FLVCR1: variants seen among roughly 807,000 people sequenced by gnomAD.
FLVCR1 encodes the protein FLVCR choline and heme transporter 1, also known as choline/ethanolamine transporter FLVCR1.
FLVCR1 carries 34 observed loss-of-function variants against 53.6 expected under a neutral mutation model. That is an observed-to-expected ratio of 0.63 (90% confidence interval 0.48 to 0.84). The LOEUF is 0.84. Among genes scored for constraint, FLVCR1 ranks in the 40% least tolerant of loss-of-function variants. The probability of loss-of-function intolerance (pLI) is 0.00; values close to 1 mark genes in which losing one functional copy is unlikely to be tolerated. For missense variants in FLVCR1, 677 were observed against 696.7 expected (o/e 0.97, Z 0.32); for synonymous variants, 300 against 286.3 (o/e 1.05, Z -0.48).
chr1:212,890,656 C>A (rs1665168803), intron 8 of FLVCR1, among the ~76,000 whole-genome samples: 1 of 152,130 alleles, frequency 6.6e-6, no homozygotes. Flanking sequence ...TGGAATCAAT[C>A]CCCCGCAGAT....
At chr1:212,886,496 T>C (rs768385658) in intron 5 of FLVCR1, among the ~76,000 whole-genome samples, 1 of 152,216 alleles carries the variant, frequency 6.6e-6, no homozygotes, top group Non-Finnish European at 1.5e-5. Context: ...AACTGTAATA[T>C]AATGCATAAT....
At chr1:212,866,527 A>G (rs1205111230) in intron 2 of FLVCR1, among the ~76,000 whole-genome samples, 8 of 151,778 alleles carry the variant, frequency 5.3e-5, no homozygotes, top group Admixed American at 1.3e-4. Context: ...AAGAAGTGAG[A>G]AAGTAAGAGA....
At position 212,897,084 on chromosome 1, in the gene FLVCR1, G is replaced by C. The variant is rs1572032974; in HGVS notation, c.*1794G>C. ...CTCAGGAGGCTGAGGCAGGAGAATC[G>C]CTTGAATGCGAATGGCAGAGGTTGC... On this transcript the variant is annotated 3_prime_UTR_variant, in exon 10 of 10. Coordinates refer to ENST00000366971, the MANE Select transcript of FLVCR1 (RefSeq NM_014053.4). 1 of 151,258 alleles carries C rather than the reference G, an allele frequency of 6.6e-6. No individual in the cohort carries two copies. Among genetic ancestry groups the C allele is most frequent in the Non-Finnish European group, 1.5e-5 (1 of 67,886 alleles). 9.4% of individuals were successfully genotyped at this position (151,258 alleles called of 1,614,324 possible).
chr1:212,875,384 GA>G (rs1385163974), intron 3 of FLVCR1, among the ~76,000 whole-genome samples: 2 of 152,222 alleles, frequency 1.3e-5, no homozygotes, highest in African/African-American at 4.8e-5. Flanking sequence ...GGATGGCCGG[GA>G]GAGTCTCACA....
intron 3 of FLVCR1, among the ~76,000 whole-genome samples, chr1:212,873,310 C>CA (rs66596141): frequency 0.42 from 59,818 of 142,506 alleles, 13,169 homozygotes; most frequent in East Asian, 0.53. Context: ...GAGACTATCT[C>CA]AAAAAAAAAA....
At position 212,895,894 on chromosome 1, in the gene FLVCR1, A is replaced by T. The variant is rs1333955526; in HGVS notation, c.*604A>T. 6.5e-6 allele frequency: 1 copy of T among 154,524 alleles called. No individual in the cohort carries two copies. The allele number at this position is 154,524 out of a possible 1,614,324, so 9.6% of individuals were successfully genotyped here. On this transcript the variant is annotated 3_prime_UTR_variant, in exon 10 of 10. Transcript: ENST00000366971. ...TCCCATTTATTGTACTCTTGTTACA[A>T]AGTACTTTTTAACACATGCAGTCAA...
Position 212,891,444 on chromosome 1 carries a change from C to CA in FLVCR1, c.1525+2198dup, listed in dbSNP as rs34175403. Reference sequence around the variant, plus strand: ...TGGGTGACAAAGTGAGACTCCGTCTCAAAAAAAAAAACAGTATTATTGTTA... The same window carrying CA: ...TGGGTGACAAAGTGAGACTCCGTCTCAAAAAAAAAAAACAGTATTATTGTTA... On this transcript the variant is annotated intron_variant, in intron 8 of 9. Transcript: ENST00000366971. 4.0e-3 allele frequency among the ~76,000 whole-genome samples: 582 copies of CA among 146,700 alleles called. 9 individuals carry two copies. Among genetic ancestry groups the CA allele is most frequent in the Middle Eastern group, 3.5e-3 (1 of 286 alleles).
In FLVCR1 at chr1:212,895,306, T is replaced by TA; in HGVS notation, c.*17dup. The TA allele has an allele frequency of 6.3e-7, 1 of 1,586,792 alleles. No individual in the cohort carries two copies. Among genetic ancestry groups the TA allele is most frequent in the Non-Finnish European group, 8.7e-7 (1 of 1,154,986 alleles). ...AGCAATTTGAAGAGAAAGGCAAAGT[T>TA]ACTGTCCTGTAGTAATTGGGGACAA... On this transcript the variant is annotated 3_prime_UTR_variant, in exon 10 of 10. Transcript: ENST00000366971.
intron 3 of FLVCR1, 117 bp from the exon 4 acceptor site, chr1:212,883,254 C>T: frequency 3.0e-6 from 2 of 677,578 alleles, no homozygotes; most frequent in Non-Finnish European, 5.3e-6. Flanking sequence ...AATGTATTTC[C>T]ACAATTGTCA....
chr1:212,874,526 C>CTTTTTTTTTTTTTT (rs61497441), intron 3 of FLVCR1, among the ~76,000 whole-genome samples: 1 of 120,880 alleles, frequency 8.3e-6, no homozygotes, highest in Non-Finnish European at 1.7e-5. Context: ...TTCTTTTTTT[C>CTTTTTTTTTTTTTT]TTTTTTTTTT....
At chr1:212,877,937 T>C (rs1210441224) in intron 3 of FLVCR1, among the ~76,000 whole-genome samples, 1 of 152,144 alleles carries the variant, frequency 6.6e-6, no homozygotes, top group Non-Finnish European at 1.5e-5. Flanking sequence ...AGAAAAGGTA[T>C]ACGAAACAGA....
chr1:212,858,705 G>A lies in FLVCR1; in HGVS notation c.253G>A (p.Gly85Ser), dbSNP rs2102526428. 6.3e-7 allele frequency: 1 copy of A among 1,595,006 alleles called. No individual in the cohort carries two copies. The highest frequency in any genetic ancestry group is 8.5e-7 in the Non-Finnish European group (1 of 1,172,710). The change falls in exon 1 of 10, where the codon GGC (glycine) becomes AGC (serine). Residue 85 changes from glycine to serine, a missense_variant. Physicochemically the swap from Gly to Ser is moderately conservative, Grantham distance 56 (BLOSUM62 0). Transcript: ENST00000366971. ...GACCCAGGCCCGGCTGCTGCCTGCG[G>A]GCGCGGGAGCTGAGACCCCGGGGGC... is the stretch of plus-strand genomic sequence containing the variant. Reference protein sequence around the residue: ...EETQARLLPAGAGAETPGAES... With the variant: ...EETQARLLPASAGAETPGAES...
chr1:212,878,650 A>G (rs1227521994), intron 3 of FLVCR1, among the ~76,000 whole-genome samples: 2 of 152,150 alleles, frequency 1.3e-5, no homozygotes, highest in Admixed American at 6.6e-5. Flanking sequence ...TTGCATTCCT[A>G]TGTATATATA....
intron 8 of FLVCR1, among the ~76,000 whole-genome samples, chr1:212,891,925 G>A (rs1665204076): frequency 6.6e-6 from 1 of 152,184 alleles, no homozygotes; most frequent in South Asian, 2.1e-4. Flanking sequence ...TATTGATATG[G>A]AGAAAGTTTG....
In FLVCR1 at chr1:212,895,294, G is replaced by A. The variant is rs1366076662; in HGVS notation, c.*4G>A. The A allele has an allele frequency of 1.9e-6, 3 of 1,608,926 alleles. No homozygotes were observed. Among genetic ancestry groups the A allele is most frequent in the Non-Finnish European group, 2.6e-6 (3 of 1,175,286 alleles). ...GCAGTCAGAATCAGCAATTTGAAGAGAAAGGCAAAGTTACTGTCCTGTAGT... is the reference window on the plus strand; with the variant it reads ...GCAGTCAGAATCAGCAATTTGAAGAAAAAGGCAAAGTTACTGTCCTGTAGT... On this transcript the variant is annotated 3_prime_UTR_variant, in exon 10 of 10. Transcript: ENST00000366971.
At chr1:212,860,645 G>A in intron 1 of FLVCR1, among the ~76,000 whole-genome samples, 1 of 151,760 alleles carries the variant, frequency 6.6e-6, no homozygotes, top group East Asian at 1.9e-4. Context: ...ATATGTTATT[G>A]TTTACATGTT....
At chr1:212,865,493 T>C (rs890222521) in intron 2 of FLVCR1, among the ~76,000 whole-genome samples, 1 of 147,154 alleles carries the variant, frequency 6.8e-6, no homozygotes, top group Non-Finnish European at 1.5e-5. Context: ...GGATTTTTTT[T>C]TTTTTTTGAG....
chr1:212,874,227 T>TCG (rs1404347911), intron 3 of FLVCR1, among the ~76,000 whole-genome samples: 1 of 152,198 alleles, frequency 6.6e-6, no homozygotes, highest in Non-Finnish European at 1.5e-5. Context: ...CAGGCTGGTC[T>TCG]CAAACTCCTG....
In FLVCR1 at chr1:212,899,126, C is replaced by T. The variant is rs1665410263; in HGVS notation, c.*3836C>T. 1 of 152,202 alleles carries T rather than the reference C, an allele frequency of 6.6e-6. No individual in the cohort carries two copies. Among genetic ancestry groups the T allele is most frequent in the African/African-American group, 2.4e-5 (1 of 41,446 alleles). The allele number at this position is 152,202 out of a possible 1,614,324, so 9.4% of individuals were successfully genotyped here. On this transcript the variant is annotated 3_prime_UTR_variant, in exon 10 of 10. Transcript: ENST00000366971. The stretch of plus-strand genomic sequence containing the variant: ...GACTTAGGAAAGAAACTGGATGTTT[C>T]AAAAGCTGTTGCATTTATTACAAAT...
Sources: allele counts gnomAD v4.1 joint callset (sites outside exome capture counted in the v4.1 genomes callset), GRCh38; gene constraint gnomAD v4.1.1; transcripts MANE v1.5; gene names NCBI Gene and HGNC (gene_info 2026-07-23, HGNC 2026-07-21).